The following GABRD variants were observed in gnomAD, a reference collection of about 807,000 sequenced individuals.
GABRD encodes the protein gamma-aminobutyric acid type A receptor subunit delta.
Under a neutral mutation model 47.3 loss-of-function variants are expected in GABRD, and 25 were observed. The observed-to-expected ratio is 0.53, with a 90% CI of 0.39 to 0.74. GABRD has a LOEUF of 0.74. GABRD is among the 30% of genes least tolerant of loss of function. The pLI, the probability that GABRD is intolerant of heterozygous loss-of-function variation, is 0.00. For synonymous variants in GABRD, 314 were observed against 278.8 expected (o/e 1.13, Z -1.26); for missense variants, 497 against 643.4 (o/e 0.77, Z 2.46).
intron 1 of GABRD, among the ~76,000 whole-genome samples, chr1:2,020,833 C>T (rs1486918558): frequency 6.6e-6 from 1 of 152,234 alleles, no homozygotes; most frequent in Admixed American, 6.5e-5. Context: ...GCAGCAAGTC[C>T]CGTCCCGCAT....
intron 4 of GABRD, among the ~76,000 whole-genome samples, chr1:2,026,290 T>G (rs1658927118): frequency 1.3e-5 from 2 of 152,148 alleles, no homozygotes; most frequent in South Asian, 4.1e-4. Context: ...TTACTCAGCA[T>G]CACGTCCTCA....
intron 1 of GABRD, 84 bp from the exon 2 acceptor site, chr1:2,024,858 G>A: frequency 2.0e-6 from 2 of 1,024,690 alleles, no homozygotes; most frequent in Non-Finnish European, 3.0e-6. Context: ...GCCCAGAACA[G>A]TGCTGCATCC....
chr1:2,019,740 C>T (rs1658723890), intron 1 of GABRD, among the ~76,000 whole-genome samples: 2 of 152,102 alleles, frequency 1.3e-5, no homozygotes, highest in African/African-American at 2.4e-5. Flanking sequence ...GTCCGCCGTC[C>T]TGGTGCTGAA....
In GABRD at chr1:2,025,538, C is replaced by T; in HGVS notation, c.270C>T (p.Phe90=). The change falls in exon 4 of 9, where the codon TTC becomes TTT. Residue 90 remains phenylalanine, a synonymous_variant. Coordinates refer to ENST00000378585, the MANE Select transcript of GABRD (RefSeq NM_000815.5). The stretch of plus-strand genomic sequence containing the variant: ...CACAGGAGTACACCATGACGGTGTT[C>T]CTGCACCAGAGCTGGCGGGACAGCA... ...EANMEYTMTV[F]LHQSWRDSRL... is the part of the protein sequence containing the mutation. 1 of 1,613,090 alleles carries T rather than the reference C, an allele frequency of 6.2e-7. No homozygotes were observed. Among genetic ancestry groups the T allele is most frequent in the Non-Finnish European group, 8.5e-7 (1 of 1,180,000 alleles).
In GABRD at chr1:2,025,825, C is replaced by T. The variant is rs554024339; in HGVS notation, c.470+87C>T. 2.1e-5 allele frequency: 26 copies of T among 1,241,782 alleles called. No individual in the cohort carries two copies. In the Admixed American group the frequency reaches 2.2e-4, roughly 10 times the overall value. The allele number at this position is 1,241,782 out of a possible 1,614,324, so 76.9% of individuals were successfully genotyped here. Reference sequence around the variant, plus strand: ...GGACGCTCCAAGGCTTGGAAAAGCTCGAGCGGCTTCTGCTGCCGGGAGCTG... The same window carrying T: ...GGACGCTCCAAGGCTTGGAAAAGCTTGAGCGGCTTCTGCTGCCGGGAGCTG... On this transcript the variant is annotated intron_variant, in intron 4 of 8. Transcript: ENST00000378585.
In GABRD at chr1:2,029,411, C is replaced by T. The variant is rs1195430882; in HGVS notation, c.848-140C>T. On this transcript the variant is annotated intron_variant, in intron 7 of 8. Coordinates refer to ENST00000378585, the MANE Select transcript of GABRD (RefSeq NM_000815.5). ...AGTGGCCAGCCGGGCCAGGCCAGGT[C>T]AGGGAAACAGGACCTGCTCCCTGGG... 5 of 1,398,366 alleles carry T rather than the reference C, an allele frequency of 3.6e-6. No individual in the cohort carries two copies. In the African/African-American group the frequency reaches 7.1e-5, roughly 20 times the overall value. 86.6% of individuals were successfully genotyped at this position (1,398,366 alleles called of 1,614,324 possible).
At position 2,025,324 on chromosome 1, in the gene GABRD, T is replaced by A; in HGVS notation, c.182-10T>A. 6.2e-7 allele frequency: 1 copy of A among 1,613,154 alleles called. No individual in the cohort carries two copies. The highest frequency in any genetic ancestry group is 1.1e-5 in the South Asian group (1 of 91,092). On this transcript the variant is annotated splice_polypyrimidine_tract_variant and intron_variant, in intron 2 of 8. Coordinates refer to ENST00000378585, the MANE Select transcript of GABRD (RefSeq NM_000815.5). ...CCTCAGTCCTTCTTAGTTCTGCTCT[T>A]TCCTTGCAGGCCCCCCCGTGAATGT...
rs113143432 is a variant in GABRD, at chr1:2,027,438, G to A, written c.471-139G>A. Reference sequence around the variant, plus strand: ...AGTTGAGCAGTTTCCAGGTTTACCTGGATTCTGGGCAAACACAGTCTGAGA... The same window carrying A: ...AGTTGAGCAGTTTCCAGGTTTACCTAGATTCTGGGCAAACACAGTCTGAGA... On this transcript the variant is annotated intron_variant, in intron 4 of 8. Transcript: ENST00000378585. 1,973 of 727,248 alleles carry A rather than the reference G, an allele frequency of 2.7e-3. 25 individuals carry two copies. In the African/African-American group the frequency reaches 0.031, roughly 11 times the overall value. The allele number at this position is 727,248 out of a possible 1,614,324, so 45.0% of individuals were successfully genotyped here.
chr1:2,029,695 C>G lies in GABRD; in HGVS notation c.992C>G (p.Ala331Gly), dbSNP rs1164930036. The change falls in exon 8 of 9, where the codon GCT becomes GGT. Residue 331 changes from alanine to glycine, a missense_variant. By Grantham distance (60) the Ala-to-Gly change is moderately conservative (BLOSUM62 0). This residue lies in a region of GABRD where 285 missense variants were observed against 436.6 expected (regional missense o/e 0.65). Coordinates refer to ENST00000378585, the MANE Select transcript of GABRD (RefSeq NM_000815.5). ...GCCGCCCTGGTGGAGTACGCCTTTGCTCATTTCAACGCCGACTACAGGAAG... is the reference window on the plus strand; with the variant it reads ...GCCGCCCTGGTGGAGTACGCCTTTGGTCATTTCAACGCCGACTACAGGAAG... ...VFAALVEYAF[A>G]HFNADYRKKQ... is the part of the protein sequence containing the mutation. 4.3e-6 allele frequency: 7 copies of G among 1,613,442 alleles called. No homozygotes were observed. Among genetic ancestry groups the G allele is most frequent in the African/African-American group, 2.7e-5 (2 of 74,950 alleles).
intron 4 of GABRD, chr1:2,026,595 G>A (rs956287671): frequency 6.6e-6 from 1 of 151,824 alleles, no homozygotes; most frequent in African/African-American, 2.4e-5. Flanking sequence ...CAGCACTTTG[G>A]GAGGCCGAGG....
At chr1:2,022,630 G>C (rs536740767) in intron 1 of GABRD, among the ~76,000 whole-genome samples, 116 of 152,384 alleles carry the variant, frequency 7.6e-4, no homozygotes, top group African/African-American at 2.7e-3. Context: ...AGCCTCACTA[G>C]AGCCCTTTGC....
At chr1:2,020,252 G>A (rs1457653110) in intron 1 of GABRD, among the ~76,000 whole-genome samples, 1 of 152,248 alleles carries the variant, frequency 6.6e-6, no homozygotes. Flanking sequence ...CAGCCACCCA[G>A]GCAACTTGGC....
intron 5 of GABRD, 170 bp downstream of exon 5, chr1:2,027,829 A>G (rs1658970723): frequency 2.9e-6 from 2 of 684,076 alleles, no homozygotes; most frequent in Admixed American, 4.4e-5. Flanking sequence ...GAAAGCCTGG[A>G]GCAGTCTGGC....
Position 2,024,939 on chromosome 1 carries a change from C to T in GABRD, c.69-3C>T, listed in dbSNP as rs377365970. 2 of 1,605,188 alleles carry T rather than the reference C, an allele frequency of 1.2e-6. No individual in the cohort carries two copies. ...TGTCTGACCGGTGGCTTTGCATCCC[C>T]AGAGCGATGAATGACATCGGCGACT... is the stretch of plus-strand genomic sequence containing the variant. On this transcript the variant is annotated splice_polypyrimidine_tract_variant and splice_region_variant and intron_variant, in intron 1 of 8. Transcript: ENST00000378585.
At chr1:2,024,575 A>C in intron 1 of GABRD, 2 of 171,114 alleles carry the variant, frequency 1.2e-5, no homozygotes, top group South Asian at 1.8e-4. Context: ...AGGGGTGGAG[A>C]CCCGAGGCCG....
At chr1:2,025,194 C>T in intron 2 of GABRD, 140 bp downstream of exon 2, 5 of 1,286,604 alleles carry the variant, frequency 3.9e-6, no homozygotes, top group Non-Finnish European at 5.5e-6. Flanking sequence ...AGAGCCAGGC[C>T]CCCACAGAGA....
chr1:2,023,591 C>G (rs1658841761), intron 1 of GABRD: 1 of 152,326 alleles, frequency 6.6e-6, no homozygotes, highest in Non-Finnish European at 1.5e-5. Flanking sequence ...GAACTGGGGT[C>G]AAATCTGTCT....
At chr1:2,019,918 G>GTTCCCCGTTCCCCCAGTGAGC (rs1658730148) in intron 1 of GABRD, among the ~76,000 whole-genome samples, 3 of 152,174 alleles carry the variant, frequency 2.0e-5, no homozygotes, top group Admixed American at 6.5e-5. Flanking sequence ...CGGGGGAGCC[G>GTTCCCCGTTCCCCCAGTGAGC]TTCCCCGTTC....
rs41306994 is a variant in GABRD, at chr1:2,025,866, G to C, written c.470+128G>C. The C allele has an allele frequency of 4.6e-3, 3,446 of 741,954 alleles. 14 individuals carry two copies. The highest frequency in any genetic ancestry group is 6.4e-3 in the Non-Finnish European group (2,908 of 453,156). 46.0% of individuals were successfully genotyped at this position (741,954 alleles called of 1,614,324 possible). On this transcript the variant is annotated intron_variant, in intron 4 of 8. Transcript: ENST00000378585. ...CCGGGAGCTGGCGGGCGGGCGGAGG[G>C]GGGGGCAGAAGCTGCGCGGTTATTT...
Sources: allele counts gnomAD v4.1 joint callset (sites outside exome capture counted in the v4.1 genomes callset), GRCh38; gene constraint gnomAD v4.1.1; regional missense constraint gnomAD v4.1.1; transcripts MANE v1.5; gene names NCBI Gene and HGNC (gene_info 2026-07-23, HGNC 2026-07-21).